Variants in MBOAT1 observed in about 807,000 individuals in gnomAD.
MBOAT1 encodes the protein membrane bound glycerophospholipid O-acyltransferase 1, also known as membrane-bound glycerophospholipid O-acyltransferase 1.
Under a neutral mutation model 64.4 loss-of-function variants are expected in MBOAT1, and 67 were observed. The observed-to-expected ratio is 1.04, with a 90% CI of 0.85 to 1.27. The LOEUF (loss-of-function observed/expected upper bound fraction) is 1.27, where lower values mean the gene tolerates loss of function less well. MBOAT1 is among the 50% of genes most tolerant of loss of function. The pLI, the probability that MBOAT1 is intolerant of heterozygous loss-of-function variation, is 0.00. For missense variants in MBOAT1, 563 were observed against 604.6 expected, an observed-to-expected ratio of 0.93 and a Z score of 0.72; for synonymous variants, 229 against 218.9, an observed-to-expected ratio of 1.05 and a Z score of -0.41.
chr6:20,124,377 C>A, intron 8 of MBOAT1, 31 bp downstream of exon 8: 1 of 1,588,884 alleles, frequency 6.3e-7, no homozygotes, highest in South Asian at 1.1e-5. Context: ...ATTTTTCCCT[C>A]ATTCAGTTAC....
Position 20,153,540 on chromosome 6 carries a change from A to G in MBOAT1, c.100-771T>C, listed in dbSNP as rs149526991. On this transcript the variant is annotated intron_variant, in intron 1 of 12. Coordinates refer to ENST00000324607, the MANE Select transcript of MBOAT1 (RefSeq NM_001080480.3). Reference sequence around the variant, plus strand: ...TGTTTTTTGACTCTGCGAGTGACTCACGTTCCCTGATACTGGTACTAAACC... The same window carrying G: ...TGTTTTTTGACTCTGCGAGTGACTCGCGTTCCCTGATACTGGTACTAAACC... Among the ~76,000 whole-genome samples the G allele has an allele frequency of 1.9e-3, 284 of 152,322 alleles. 3 individuals carry two copies. Among genetic ancestry groups the G allele is most frequent in the African/African-American group, 6.5e-3 (269 of 41,576 alleles).
At chr6:20,168,599 G>GA (rs1554120209) in intron 1 of MBOAT1, among the ~76,000 whole-genome samples, 1,044 of 83,764 alleles carry the variant, frequency 0.012, 2 homozygotes, top group Non-Finnish European at 0.016. Flanking sequence ...GGGAGAGAAA[G>GA]AGAGAAGAGA....
chr6:20,212,170 G>C lies in MBOAT1; in HGVS notation c.65C>G (p.Pro22Arg). 1.9e-6 allele frequency: 3 copies of C among 1,613,700 alleles called. No homozygotes were observed. The highest frequency in any genetic ancestry group is 1.1e-5 in the South Asian group (1 of 91,060). Reference sequence around the variant, plus strand: ...CGGGATGCCCAGGAGCTCGCTGAGCGGGTGCAGGTAGGTGGAGCCCGTGGT... The same window carrying C: ...CGGGATGCCCAGGAGCTCGCTGAGCCGGTGCAGGTAGGTGGAGCCCGTGGT... ...YRTTGSTYLH[P>R]LSELLGIPLD... The change falls in exon 1 of 13, where the codon CCG becomes CGG. Residue 22 changes from proline to arginine, a missense_variant. Physicochemically the swap from Pro to Arg is moderately radical, Grantham distance 103. Coordinates refer to ENST00000324607, the MANE Select transcript of MBOAT1 (RefSeq NM_001080480.3).
chr6:20,149,438 C>A (rs1316896090), intron 3 of MBOAT1, among the ~76,000 whole-genome samples: 2 of 152,074 alleles, frequency 1.3e-5, no homozygotes, highest in Non-Finnish European at 2.9e-5. Context: ...TACAGTTGCA[C>A]CAACATTATT....
In MBOAT1 at chr6:20,179,587, C is replaced by T. The variant is rs144178517; in HGVS notation, c.100-26818G>A. 6.5e-3 allele frequency among the ~76,000 whole-genome samples: 985 copies of T among 152,214 alleles called. 12 individuals carry two copies. The highest frequency in any genetic ancestry group is 0.023 in the African/African-American group (948 of 41,512). On this transcript the variant is annotated intron_variant, in intron 1 of 12. Coordinates refer to ENST00000324607, the MANE Select transcript of MBOAT1 (RefSeq NM_001080480.3). ...ACCTAAATGGGCATTTAGGTTGATT[C>T]CATGTGTCTGTTATTGTGAATAGTG...
chr6:20,209,377 C>G (rs1348562846), intron 1 of MBOAT1, among the ~76,000 whole-genome samples: 1 of 152,146 alleles, frequency 6.6e-6, no homozygotes, highest in East Asian at 1.9e-4. Context: ...GAGTATAGTC[C>G]TAACCACACA....
chr6:20,191,589 C>T (rs1005470570), intron 1 of MBOAT1, among the ~76,000 whole-genome samples: 2 of 152,178 alleles, frequency 1.3e-5, no homozygotes, highest in Non-Finnish European at 2.9e-5. Flanking sequence ...TTGACCAGCA[C>T]AGAGTGGACC....
At chr6:20,196,554 G>C (rs1438131234) in intron 1 of MBOAT1, among the ~76,000 whole-genome samples, 1 of 152,076 alleles carries the variant, frequency 6.6e-6, no homozygotes, top group Non-Finnish European at 1.5e-5. Flanking sequence ...ATAATCTTGT[G>C]AATATATTAA....
intron 7 of MBOAT1, 140 bp from the exon 8 acceptor site, chr6:20,124,740 C>T: frequency 1.4e-6 from 1 of 701,406 alleles, no homozygotes; most frequent in Non-Finnish European, 2.4e-6. Flanking sequence ...AACAGGCATT[C>T]TTCCTCATGA....
intron 4 of MBOAT1, among the ~76,000 whole-genome samples, chr6:20,136,546 T>C (rs843320): frequency 0.99 from 150,066 of 152,324 alleles, 73,963 homozygotes; most frequent in East Asian, 1. Context: ...CTTGAACATA[T>C]TGGGCTGGTC....
chr6:20,131,777 TAAG>T (rs933887283), intron 4 of MBOAT1, among the ~76,000 whole-genome samples: 2 of 152,170 alleles, frequency 1.3e-5, no homozygotes, highest in Admixed American at 6.5e-5. Flanking sequence ...CAACACTGAA[TAAG>T]AAGATCACAT....
intron 1 of MBOAT1, among the ~76,000 whole-genome samples, chr6:20,205,891 G>A (rs1317296028): frequency 6.6e-6 from 1 of 151,820 alleles, no homozygotes; most frequent in Non-Finnish European, 1.5e-5. Flanking sequence ...AGGGCTCTGA[G>A]ACCCTAGGGG....
rs1561791703 is a variant in MBOAT1, at chr6:20,212,430, C to T, written c.-196G>A. 1 of 587,210 alleles carries T rather than the reference C, an allele frequency of 1.7e-6. No individual in the cohort carries two copies. The highest frequency in any genetic ancestry group is 3.0e-5 in the East Asian group (1 of 33,158). The allele number at this position is 587,210 out of a possible 1,614,324, so 36.4% of individuals were successfully genotyped here. On this transcript the variant is annotated 5_prime_UTR_variant, in exon 1 of 13. Coordinates refer to ENST00000324607, the MANE Select transcript of MBOAT1 (RefSeq NM_001080480.3). ...GCAAACTCTCGAGGCGCAAACTTGG[C>T]TTTGGCGCTGGCGCTGCAGCCACGG...
At chr6:20,157,404 G>A (rs1259714251) in intron 1 of MBOAT1, among the ~76,000 whole-genome samples, 3 of 152,134 alleles carry the variant, frequency 2.0e-5, no homozygotes, top group African/African-American at 7.2e-5. Flanking sequence ...TGTAAAAAAG[G>A]CAGCATATAG....
At chr6:20,206,828 A>T (rs1763280187) in intron 1 of MBOAT1, among the ~76,000 whole-genome samples, 1 of 152,018 alleles carries the variant, frequency 6.6e-6, no homozygotes, top group African/African-American at 2.4e-5. Flanking sequence ...CCTCAGGCGC[A>T]CACCCCGATT....
chr6:20,144,668 A>G (rs1761280053), intron 3 of MBOAT1, among the ~76,000 whole-genome samples: 1 of 152,186 alleles, frequency 6.6e-6, no homozygotes, highest in Non-Finnish European at 1.5e-5. Context: ...AAGGTCTTGC[A>G]CTCAAGATTC....
intron 6 of MBOAT1, among the ~76,000 whole-genome samples, chr6:20,127,628 T>A (rs1383440215): frequency 6.6e-6 from 1 of 152,130 alleles, no homozygotes; most frequent in African/African-American, 2.4e-5. Flanking sequence ...GCACACTCCT[T>A]ATAAGAATCT....
intron 1 of MBOAT1, among the ~76,000 whole-genome samples, chr6:20,173,456 C>A (rs1298667594): frequency 6.6e-6 from 1 of 152,008 alleles, no homozygotes; most frequent in African/African-American, 2.4e-5. Context: ...ATAGATACCA[C>A]ATTGAATGGA....
chr6:20,109,902 C>CTTTT lies in MBOAT1; in HGVS notation c.1210-157_1210-154dup, dbSNP rs1158455991. Among the ~76,000 whole-genome samples the CTTTT allele has an allele frequency of 4.5e-3, 424 of 94,118 alleles. 18 individuals are homozygous for CTTTT. The highest frequency in any genetic ancestry group is 7.8e-3 in the Middle Eastern group (1 of 128). The allele number at this position is 94,118 out of a possible 152,430, so 61.7% of individuals were successfully genotyped here. The stretch of plus-strand genomic sequence containing the variant: ...TTTTCGACTACAAATACCATCAGGA[C>CTTTT]TTTTTTTTTTTTTTTTTTTTTTTTT... On this transcript the variant is annotated intron_variant, in intron 11 of 12. Coordinates refer to ENST00000324607, the MANE Select transcript of MBOAT1 (RefSeq NM_001080480.3).
Sources: allele counts gnomAD v4.1 joint callset (sites outside exome capture counted in the v4.1 genomes callset), GRCh38; gene constraint gnomAD v4.1.1; transcripts MANE v1.5; gene names NCBI Gene and HGNC (gene_info 2026-07-23, HGNC 2026-07-21).